Variants in NBEA observed in about 807,000 individuals in gnomAD.
NBEA encodes the protein neurobeachin, also known as lysosomal-trafficking regulator 2.
In NBEA, 44 loss-of-function variants were observed where a neutral mutation model predicts 343.4. The ratio of observed to expected loss-of-function variants is 0.13; its 90% CI spans 0.10 to 0.16. The LOEUF is 0.16. NBEA is among the 10% of genes least tolerant of loss of function. The pLI is 1.00. For missense variants in NBEA, 2,555 were observed against 3,631.3 expected, an observed-to-expected ratio of 0.70 and a Z score of 7.62; for synonymous variants, 1,175 against 1,238.7, an observed-to-expected ratio of 0.95 and a Z score of 1.08.
chr13:35,362,617 A>G (rs1383840388), intron 38 of NBEA, among the ~76,000 whole-genome samples: 3 of 151,970 alleles, frequency 2.0e-5, no homozygotes. Context: ...CATGCCCACC[A>G]AACAAACATG....
At chr13:34,983,183 C>G (rs765175339) in intron 1 of NBEA, among the ~76,000 whole-genome samples, 2 of 152,128 alleles carry the variant, frequency 1.3e-5, no homozygotes, top group Non-Finnish European at 2.9e-5. Flanking sequence ...ACCCCCACCC[C>G]ACACCAGGCC....
At chr13:35,085,834 C>T (rs1181234296) in intron 10 of NBEA, among the ~76,000 whole-genome samples, 1 of 152,002 alleles carries the variant, frequency 6.6e-6, no homozygotes, top group African/African-American at 2.4e-5. Flanking sequence ...CTAGAAAACC[C>T]CATCATCTCA....
rs1276820459 is a variant in NBEA, at chr13:35,147,715, A to G, written c.2445+5338A>G. 2.6e-5 allele frequency among the ~76,000 whole-genome samples: 4 copies of G among 152,090 alleles called. No homozygotes were observed. The East Asian group carries it at 5.8e-4, about 22-fold the overall frequency. On this transcript the variant is annotated intron_variant, in intron 18 of 58. Transcript: ENST00000379939. ...TATTTGATATTTCCTAATTCCAACT[A>G]ATTAGTTGTTTGATATTTTCCAAAA...
In NBEA at chr13:35,118,622, G is replaced by A. The variant is rs968603593; in HGVS notation, c.2243+148G>A. 1.7e-5 allele frequency: 10 copies of A among 595,330 alleles called. No homozygotes were observed. In the African/African-American group the frequency reaches 1.7e-4, roughly 10 times the overall value. 36.9% of individuals were successfully genotyped at this position (595,330 alleles called of 1,614,324 possible). ...ATGGAGAATGCTGCTATTGATCCTC[G>A]AATACTCAGGAAACTGATGAAGTGT... On this transcript the variant is annotated intron_variant, in intron 16 of 58. Coordinates refer to ENST00000379939, the MANE Select transcript of NBEA (RefSeq NM_001385012.1).
intron 1 of NBEA, among the ~76,000 whole-genome samples, chr13:34,984,836 G>A (rs1378781372): frequency 2.0e-5 from 3 of 150,962 alleles, no homozygotes; most frequent in Admixed American, 1.3e-4. Context: ...TTGGCTCTCT[G>A]TTTGTCTGTT....
chr13:35,088,992 G>C (rs1379224433), intron 10 of NBEA, among the ~76,000 whole-genome samples: 6 of 126,406 alleles, frequency 4.7e-5, no homozygotes, highest in African/African-American at 1.8e-4. Context: ...TCAGGACATA[G>C]GCATGGGCAA....
chr13:35,378,348 A>G (rs2152889500), intron 38 of NBEA, among the ~76,000 whole-genome samples: 1 of 152,334 alleles, frequency 6.6e-6, no homozygotes, highest in East Asian at 1.9e-4. Flanking sequence ...CTCAGGAATG[A>G]ACACCTGTGG....
chr13:35,658,837 G>A (rs2084936426), intron 55 of NBEA, among the ~76,000 whole-genome samples: 1 of 152,044 alleles, frequency 6.6e-6, no homozygotes, highest in Non-Finnish European at 1.5e-5. Flanking sequence ...AGCTAACCTA[G>A]TAGCATATAT....
intron 36 of NBEA, among the ~76,000 whole-genome samples, chr13:35,346,773 C>A (rs2039902391): frequency 1.3e-5 from 2 of 152,036 alleles, no homozygotes; most frequent in African/African-American, 4.8e-5. Context: ...TCCCACTGGT[C>A]CTAGAGTGAC....
At chr13:35,434,733 G>A (rs534783543) in intron 39 of NBEA, among the ~76,000 whole-genome samples, 4 of 152,306 alleles carry the variant, frequency 2.6e-5, no homozygotes, top group South Asian at 4.1e-4. Context: ...TGATCTATAC[G>A]TAGAAGTAGA....
At chr13:35,068,367 G>A (rs1255964001) in intron 8 of NBEA, among the ~76,000 whole-genome samples, 8 of 152,092 alleles carry the variant, frequency 5.3e-5, no homozygotes, top group Non-Finnish European at 7.4e-5. Context: ...TCCAGTGTAA[G>A]CAGTATGAAC....
intron 45 of NBEA, among the ~76,000 whole-genome samples, chr13:35,582,247 C>T (rs561106583): frequency 5.9e-5 from 9 of 152,224 alleles, no homozygotes; most frequent in African/African-American, 1.9e-4. Flanking sequence ...GATCGCGCCA[C>T]TGCACTCCAG....
intron 6 of NBEA, 34 bp from the exon 7 acceptor site, chr13:35,055,976 T>C: frequency 4.6e-6 from 7 of 1,519,498 alleles, no homozygotes; most frequent in Non-Finnish European, 6.2e-6. Flanking sequence ...CAACCAAACA[T>C]TACATATTGA....
chr13:35,587,472 A>G (rs1010050472), intron 46 of NBEA, among the ~76,000 whole-genome samples: 3 of 152,146 alleles, frequency 2.0e-5, no homozygotes, highest in Non-Finnish European at 2.9e-5. Flanking sequence ...AGCCACCACC[A>G]TGGAGGGAGC....
intron 34 of NBEA, among the ~76,000 whole-genome samples, chr13:35,269,788 TA>T: frequency 6.6e-6 from 1 of 152,200 alleles, no homozygotes; most frequent in East Asian, 1.9e-4. Flanking sequence ...ATTGGAGATG[TA>T]AAAATGAAGA....
chr13:35,349,034 A>G (rs1451579932), intron 36 of NBEA, 74 bp from the exon 37 acceptor site: 11 of 581,164 alleles, frequency 1.9e-5, no homozygotes, highest in Non-Finnish European at 2.8e-5. Flanking sequence ...AAGTACTGAA[A>G]TCTGATTATT....
chr13:35,539,787 G>A (rs1266381039), intron 41 of NBEA, among the ~76,000 whole-genome samples: 3 of 150,904 alleles, frequency 2.0e-5, no homozygotes, highest in East Asian at 3.9e-4. Context: ...GTGGTGGCGG[G>A]CGCCTGTAGT....
chr13:35,633,799 T>C (rs2083574796), intron 49 of NBEA, among the ~76,000 whole-genome samples: 1 of 152,146 alleles, frequency 6.6e-6, no homozygotes, highest in Admixed American at 6.5e-5. Context: ...TTTTAATAAT[T>C]TCATTATATA....
At chr13:35,665,775 C>T (rs979946340) in intron 56 of NBEA, among the ~76,000 whole-genome samples, 3 of 152,026 alleles carry the variant, frequency 2.0e-5, no homozygotes, top group African/African-American at 7.2e-5. Context: ...TACAGGCGCC[C>T]GCAACCAAGC....
Sources: allele counts gnomAD v4.1 joint callset (sites outside exome capture counted in the v4.1 genomes callset), GRCh38; gene constraint gnomAD v4.1.1; transcripts MANE v1.5; gene names NCBI Gene and HGNC (gene_info 2026-07-23, HGNC 2026-07-21).